GRIP2: variants seen among roughly 807,000 people sequenced by gnomAD.
GRIP2 encodes the protein glutamate receptor-interacting protein 2.
GRIP2 carries 58 observed loss-of-function variants against 108.3 expected under a neutral mutation model. The ratio of observed to expected loss-of-function variants is 0.54; its 90% CI spans 0.43 to 0.67. GRIP2 has a LOEUF of 0.67. Ranked by LOEUF, GRIP2 falls within the 30% of genes least tolerant of loss-of-function variation. The pLI is 0.00. For missense variants in GRIP2, 1,278 were observed against 1,430.6 expected, an observed-to-expected ratio of 0.89 and a Z score of 1.72; for synonymous variants, 586 against 598.2, an observed-to-expected ratio of 0.98 and a Z score of 0.30.
chr3:14,556,788 C>T (rs1160984964), upstream of GRIP2, among the ~76,000 whole-genome samples: 1 of 152,226 alleles, frequency 6.6e-6, no homozygotes, highest in Non-Finnish European at 1.5e-5. Flanking sequence ...CATCCCACAT[C>T]CTGACCCCTG....
At chr3:14,596,767 T>C in the GRIP2 span, among the ~76,000 whole-genome samples, 1 of 151,664 alleles carries the variant, frequency 6.6e-6, no homozygotes, top group Non-Finnish European at 1.5e-5. Context: ...GACAGTTGTA[T>C]AGATTTTTTT....
At chr3:14,509,083 G>A (rs1230581057) in intron 17 of GRIP2, among the ~76,000 whole-genome samples, 3 of 152,086 alleles carry the variant, frequency 2.0e-5, no homozygotes, top group East Asian at 3.9e-4. Context: ...TCCAGCAGGG[G>A]GCGCTCCAGG....
rs1183173837 is a variant in GRIP2 at position 14,521,522 on chromosome 3, C to T, written c.712+120G>A. 3.6e-6 allele frequency: 4 copies of T among 1,096,936 alleles called. No homozygotes were observed. The highest frequency in any genetic ancestry group is 5.1e-6 in the Non-Finnish European group (4 of 782,764). The allele number at this position is 1,096,936 out of a possible 1,614,324, so 68.0% of individuals were successfully genotyped here. On this transcript the variant is annotated intron_variant, in intron 7 of 23. Transcript: ENST00000621039. The surrounding 1 kb of genome is among the most constrained non-coding windows in gnomAD (Gnocchi z 5.1). ...TATTTACTGCCCAGAGAAGCTGTGA[C>T]TGGCCCAAGGTCATAAGGTCATGCA... is the stretch of plus-strand genomic sequence containing the variant.
the GRIP2 span, among the ~76,000 whole-genome samples, chr3:14,603,006 GCCCGGCCTCGCCAGCCCGGC>G: frequency 2.0e-5 from 3 of 146,510 alleles, no homozygotes; most frequent in South Asian, 2.1e-4. Context: ...CTGCGGCCCG[GCCCGGCCTCGCCAGCCCGGC>G]CCCGGCCCCG....
In GRIP2 at chr3:14,540,265, G is replaced by A. The variant is rs376972161; in HGVS notation, c.40+4C>T. Reference sequence around the variant, plus strand: ...ACTCTGCCCACAGACCCCCCATTACGTACCCGCCTCTCCAGGGGTCTCCCG... The same window carrying A: ...ACTCTGCCCACAGACCCCCCATTACATACCCGCCTCTCCAGGGGTCTCCCG... On this transcript the variant is annotated splice_donor_region_variant and intron_variant, in intron 1 of 23. Transcript: ENST00000621039. The surrounding 1 kb of genome is among the most constrained non-coding windows in gnomAD (Gnocchi z 4.1). 8.1e-6 allele frequency: 13 copies of A among 1,612,806 alleles called. No homozygotes were observed. Among genetic ancestry groups the A allele is most frequent in the South Asian group, 2.2e-5 (2 of 90,990 alleles).
In GRIP2 at chr3:14,511,305, CCCGT is replaced by C; in HGVS notation, c.1789_1792del (p.Thr597AlafsTer36). The C allele has an allele frequency of 6.2e-7, 1 of 1,613,962 alleles. No individual in the cohort carries two copies. Among genetic ancestry groups the C allele is most frequent in the Non-Finnish European group, 8.5e-7 (1 of 1,179,868 alleles). ...TAGCTTGTCGCCTGGCTCCAGGGTG[CCCGT>C]CCTGCATGAGTCGGGGGCAGAGGGG... On this transcript the variant is annotated frameshift_variant and splice_region_variant, in exon 16 of 24. Coordinates refer to ENST00000621039, the MANE Select transcript of GRIP2 (RefSeq NM_001080423.4). LOFTEE classifies it high-confidence loss of function. This position sits in a 1 kb window ranked among gnomAD's most constrained non-coding sequence, Gnocchi z 4.1.
At chr3:14,578,713 T>G in the GRIP2 span, among the ~76,000 whole-genome samples, 1 of 147,490 alleles carries the variant, frequency 6.8e-6, no homozygotes, top group African/African-American at 2.6e-5. Flanking sequence ...CAAGGCTCCA[T>G]CTCAGAAAAA....
In GRIP2 at chr3:14,499,240, C is replaced by A. The variant is rs140113694; in HGVS notation, c.2680-2680G>T. ...AGCTGGTGAAGTTCAAAGGCCACAG[C>A]CAAGACAAAGTGAGGAGCGATCTCA... On this transcript the variant is annotated intron_variant, in intron 21 of 23. Coordinates refer to ENST00000621039, the MANE Select transcript of GRIP2 (RefSeq NM_001080423.4). Among the ~76,000 whole-genome samples the A allele has an allele frequency of 2.5e-4, 38 of 152,276 alleles. No individual in the cohort carries two copies. In the East Asian group the frequency reaches 6.6e-3, roughly 26 times the overall value.
intron 1 of GRIP2, among the ~76,000 whole-genome samples, chr3:14,551,885 A>C (rs1048606436): frequency 1.4e-4 from 21 of 152,146 alleles, no homozygotes; most frequent in African/African-American, 4.3e-4. Flanking sequence ...CAAATGGGGC[A>C]ATTTAGTTCA....
At chr3:14,556,832 T>A (rs1695243833), upstream of GRIP2, among the ~76,000 whole-genome samples, 1 of 152,212 alleles carries the variant, frequency 6.6e-6, no homozygotes, top group African/African-American at 2.4e-5. Flanking sequence ...TAGGGGAGAC[T>A]GAGGCAGATG....
intron 9 of GRIP2, among the ~76,000 whole-genome samples, chr3:14,519,377 G>C (rs1217654479): frequency 1.3e-5 from 2 of 152,248 alleles, no homozygotes; most frequent in African/African-American, 4.8e-5. Context: ...GGCCTGGGCT[G>C]TGCCTTGTCC....
rs925238713 is a variant in GRIP2 at position 14,507,560 on chromosome 3, C to T, written c.2218+1G>A. 4 of 1,612,188 alleles carry T rather than the reference C, an allele frequency of 2.5e-6. No individual in the cohort carries two copies. The highest frequency in any genetic ancestry group is 2.2e-5 in the East Asian group (1 of 44,812). On this transcript the variant is annotated splice_donor_variant, in intron 18 of 23. Coordinates refer to ENST00000621039, the MANE Select transcript of GRIP2 (RefSeq NM_001080423.4). LOFTEE classifies it high-confidence loss of function. The surrounding 1 kb of genome is among the most constrained non-coding windows in gnomAD (Gnocchi z 4.6). ...CTCCCAGGGGATGAAGCGAATCTCA[C>T]GGTCTAGTTGCTTCTTGATCTTCAG...
chr3:14,547,213 C>T (rs1695071414), intron 1 of GRIP2, among the ~76,000 whole-genome samples: 1 of 149,346 alleles, frequency 6.7e-6, no homozygotes, highest in Non-Finnish European at 1.5e-5. Flanking sequence ...AGAAGAGAGA[C>T]AGAATGAGAT....
the GRIP2 span, among the ~76,000 whole-genome samples, chr3:14,576,243 C>T: frequency 7.5e-3 from 1,147 of 152,326 alleles, 16 homozygotes; most frequent in African/African-American, 0.026. Context: ...GCCTTCCACG[C>T]AATTGGCGTG....
In GRIP2 at chr3:14,507,507, G is replaced by A; in HGVS notation, c.2218+54C>T. Reference sequence around the variant, plus strand: ...GTGCAGGCAAAGCCTGGCACAGAGGGATTGCCCTTCCTAAACCTGCTGGGT... The same window carrying A: ...GTGCAGGCAAAGCCTGGCACAGAGGAATTGCCCTTCCTAAACCTGCTGGGT... On this transcript the variant is annotated intron_variant, in intron 18 of 23. Transcript: ENST00000621039. This position sits in a 1 kb window ranked among gnomAD's most constrained non-coding sequence, Gnocchi z 4.6. 1 of 1,597,464 alleles carries A rather than the reference G, an allele frequency of 6.3e-7. No homozygotes were observed. The highest frequency in any genetic ancestry group is 1.1e-5 in the South Asian group (1 of 90,360).
At chr3:14,518,462 C>A (rs913888018) in intron 9 of GRIP2, among the ~76,000 whole-genome samples, 2 of 152,172 alleles carry the variant, frequency 1.3e-5, no homozygotes, top group Non-Finnish European at 2.9e-5. Context: ...GGCTGCTCCC[C>A]CTTCCCAGGC....
At chr3:14,573,137 G>A in the GRIP2 span, 1 of 1,432,570 alleles carries the variant, frequency 7.0e-7, no homozygotes, top group Non-Finnish European at 9.8e-7. Context: ...GCAGCCCAAA[G>A]GTGCAGAGGA....
intron 7 of GRIP2, 159 bp from the exon 8 acceptor site, chr3:14,520,696 T>C: frequency 4.1e-6 from 3 of 739,484 alleles, no homozygotes; most frequent in Non-Finnish European, 6.5e-6. Flanking sequence ...TTTTTTATCT[T>C]CTACCAAATG....
intron 12 of GRIP2, 50 bp from the exon 13 acceptor site, chr3:14,513,860 T>C: frequency 6.3e-7 from 1 of 1,592,092 alleles, no homozygotes; most frequent in Non-Finnish European, 8.6e-7. Context: ...ACAGGTCCAT[T>C]GGGAGACAAG....
Sources: gnomAD v4.1 joint callset for allele counts (sites outside exome capture counted in the v4.1 genomes callset) on GRCh38, gnomAD v4.1.1 for gene constraint, Gnocchi (gnomAD v3.1) non-coding constraint, MANE v1.5 for transcripts, NCBI Gene and HGNC (gene_info 2026-07-23, HGNC 2026-07-21) for gene names.